The following EVC2 variants were observed in gnomAD, a reference collection of about 807,000 sequenced individuals.
EVC2 encodes the protein limbin.
EVC2 carries 148 observed loss-of-function variants against 149.3 expected under a neutral mutation model. That is an observed-to-expected ratio of 0.99 (90% CI 0.87 to 1.14). The LOEUF (loss-of-function observed/expected upper bound fraction) is 1.14, where lower values mean the gene tolerates loss of function less well. EVC2 is among the 50% of genes most tolerant of loss of function. EVC2 has a pLI of 0.00. For synonymous variants in EVC2, 776 were observed against 649.9 expected, an observed-to-expected ratio of 1.19 and a Z score of -2.95; for missense variants, 1,854 against 1,627.3, an observed-to-expected ratio of 1.14 and a Z score of -2.40.
chr4:5,696,277 G>C lies in EVC2; in HGVS notation c.283+1316C>G, dbSNP rs1303922881. 6.6e-6 allele frequency among the ~76,000 whole-genome samples: 1 copy of C among 152,148 alleles called. No homozygotes were observed. Among genetic ancestry groups the C allele is most frequent in the Non-Finnish European group, 1.5e-5 (1 of 68,026 alleles). ...CGTTTATGCCTCTCTGGCTCTCCTG[G>C]TCCTCAGCTTTAATGAAGACTCCAA... On this transcript the variant is annotated intron_variant, in intron 2 of 21. Transcript: ENST00000344408. This position sits in a 1 kb window ranked among gnomAD's most constrained non-coding sequence, Gnocchi z 4.1.
chr4:5,600,718 A>C (rs1478499099), intron 16 of EVC2, among the ~76,000 whole-genome samples: 1 of 152,230 alleles, frequency 6.6e-6, no homozygotes, highest in Non-Finnish European at 1.5e-5. Context: ...CAGAAAATGT[A>C]GTCATCAGAC....
intron 21 of EVC2, among the ~76,000 whole-genome samples, chr4:5,545,350 G>A (rs536232045): frequency 1.3e-4 from 20 of 152,294 alleles, no homozygotes; most frequent in East Asian, 9.6e-4. Context: ...ACAGGCTTCC[G>A]AGTCAGACAG....
intron 21 of EVC2, among the ~76,000 whole-genome samples, chr4:5,551,969 T>C (rs1425584960): frequency 6.6e-6 from 1 of 152,236 alleles, no homozygotes; most frequent in Non-Finnish European, 1.5e-5. Context: ...CATGTGGAAC[T>C]GTAAGTCCAT....
At chr4:5,652,735 C>G (rs1577210354) in intron 9 of EVC2, among the ~76,000 whole-genome samples, 1 of 152,184 alleles carries the variant, frequency 6.6e-6, no homozygotes, top group South Asian at 2.1e-4. Context: ...TTGGGGTACT[C>G]TGCTGTCCTG....
At chr4:5,595,100 C>G (rs577367989) in intron 16 of EVC2, among the ~76,000 whole-genome samples, 14 of 152,134 alleles carry the variant, frequency 9.2e-5, no homozygotes, top group African/African-American at 2.7e-4. Flanking sequence ...GATTGGTGTA[C>G]GTGAACATGA....
chr4:5,615,650 A>G (rs1238257287), intron 15 of EVC2, 106 bp from the exon 16 acceptor site: 8 of 1,513,584 alleles, frequency 5.3e-6, no homozygotes, highest in Non-Finnish European at 7.3e-6. Context: ...CAGCTCCCAG[A>G]ACTGCAAAAC....
At chr4:5,608,827 C>T (rs1714602708) in intron 16 of EVC2, among the ~76,000 whole-genome samples, 1 of 152,156 alleles carries the variant, frequency 6.6e-6, no homozygotes. Flanking sequence ...GCCACGGTGC[C>T]AGCCTGGAAG....
chr4:5,642,474 T>C (rs1309324500), intron 9 of EVC2, among the ~76,000 whole-genome samples: 2 of 152,230 alleles, frequency 1.3e-5, no homozygotes, highest in Non-Finnish European at 2.9e-5. Context: ...TATCATGTGA[T>C]AGACCACCAT....
chr4:5,703,940 C>A (rs1721982862), intron 1 of EVC2, among the ~76,000 whole-genome samples: 2 of 151,968 alleles, frequency 1.3e-5, no homozygotes, highest in African/African-American at 4.8e-5. Flanking sequence ...GGGGGAGGAG[C>A]ATTAGTTCAG....
In EVC2 at chr4:5,696,482, G is replaced by A. The variant is rs576350839; in HGVS notation, c.283+1111C>T. ...CCAGGGATAGGTTCAGGGACAGGCC[G>A]GGGACCCACGCTGAGCCCAGGGGCC... On this transcript the variant is annotated intron_variant, in intron 2 of 21. Coordinates refer to ENST00000344408, the MANE Select transcript of EVC2 (RefSeq NM_147127.5). The surrounding 1 kb of genome is among the most constrained non-coding windows in gnomAD (Gnocchi z 4.1). 5.6e-4 allele frequency among the ~76,000 whole-genome samples: 85 copies of A among 152,294 alleles called. No individual in the cohort carries two copies. The highest frequency in any genetic ancestry group is 1.9e-3 in the African/African-American group (78 of 41,564).
Position 5,665,642 on chromosome 4 carries a change from G to A in EVC2, c.878C>T (p.Pro293Leu), listed in dbSNP as rs138882677. 51 of 1,614,036 alleles carry A rather than the reference G, an allele frequency of 3.2e-5. No homozygotes were observed. Among genetic ancestry groups the A allele is most frequent in the Middle Eastern group, 3.3e-4 (2 of 6,084 alleles). The change falls in exon 8 of 22, where the codon CCG becomes CTG. Residue 293 changes from proline (P) to leucine (L), a missense_variant. Coordinates refer to ENST00000344408, the MANE Select transcript of EVC2 (RefSeq NM_147127.5). ...ITAEENVTVL[P>L]HHGLHAAGFF... ...CCCTGCTGCGTGGAGGCCGTGGTGC[G>A]GCAGAACCTGTGGAGACAAGAGGAG...
At chr4:5,583,022 C>G (rs967438672) in intron 17 of EVC2, among the ~76,000 whole-genome samples, 1 of 152,186 alleles carries the variant, frequency 6.6e-6, no homozygotes, top group African/African-American at 2.4e-5. Context: ...AATTAAACCT[C>G]TTTCCTTTAT....
chr4:5,612,948 A>AC (rs533568919), intron 16 of EVC2, among the ~76,000 whole-genome samples: 5 of 143,112 alleles, frequency 3.5e-5, no homozygotes, highest in African/African-American at 1.5e-4. Flanking sequence ...AAAAAAAAAA[A>AC]AGAAATAATT....
chr4:5,554,697 C>G (rs1469940956), intron 21 of EVC2, among the ~76,000 whole-genome samples: 1 of 152,174 alleles, frequency 6.6e-6, no homozygotes, highest in Non-Finnish European at 1.5e-5. Context: ...AAGGTCACAG[C>G]CTGGAGACAG....
chr4:5,648,744 C>T (rs1373808100), intron 9 of EVC2, among the ~76,000 whole-genome samples: 1 of 152,132 alleles, frequency 6.6e-6, no homozygotes. Context: ...CAGAGGCACT[C>T]TTTATTGTAA....
At chr4:5,619,053 G>T (rs1304733869) in intron 14 of EVC2, among the ~76,000 whole-genome samples, 2 of 152,154 alleles carry the variant, frequency 1.3e-5, no homozygotes, top group African/African-American at 4.8e-5. Context: ...TAGGACCAAT[G>T]GACAGAGGAG....
At chr4:5,549,232 T>G (rs1410853142) in intron 21 of EVC2, among the ~76,000 whole-genome samples, 2 of 152,254 alleles carry the variant, frequency 1.3e-5, no homozygotes, top group Non-Finnish European at 2.9e-5. Flanking sequence ...CATCATTGAT[T>G]AGGCACTTAA....
At position 5,623,003 on chromosome 4, in the gene EVC2, G is replaced by A. The variant is rs1715833169; in HGVS notation, c.2047-12C>T. ...CGCTGCTCCCTGTGCTGGAGTTTCA[G>A]AAAAGAAAATTAAGTGGGGGTGGGG... On this transcript the variant is annotated splice_polypyrimidine_tract_variant and intron_variant, in intron 13 of 21. Coordinates refer to ENST00000344408, the MANE Select transcript of EVC2 (RefSeq NM_147127.5). The A allele has an allele frequency of 1.2e-6, 2 of 1,613,332 alleles. No homozygotes were observed. Among genetic ancestry groups the A allele is most frequent in the South Asian group, 2.2e-5 (2 of 91,074 alleles).
rs1428483168 is a variant in EVC2, at chr4:5,670,772, AATTC to A, written c.871-5127_871-5124del. ...GCCATCATCAGCAGCATCGCCATCA[AATTC>A]ATTATCACCATCACCACCATGACCA... On this transcript the variant is annotated intron_variant, in intron 7 of 21. Coordinates refer to ENST00000344408, the MANE Select transcript of EVC2 (RefSeq NM_147127.5). The surrounding 1 kb of genome is among the most constrained non-coding windows in gnomAD (Gnocchi z 5.2). Among the ~76,000 whole-genome samples, 4 of 149,072 alleles carry A rather than the reference AATTC, an allele frequency of 2.7e-5. No individual in the cohort carries two copies. Among genetic ancestry groups the A allele is most frequent in the Non-Finnish European group, 5.9e-5 (4 of 67,336 alleles).
Sources: allele counts gnomAD v4.1 joint callset (sites outside exome capture counted in the v4.1 genomes callset), GRCh38; gene constraint gnomAD v4.1.1; non-coding constraint Gnocchi (gnomAD v3.1); transcripts MANE v1.5; gene names NCBI Gene and HGNC (gene_info 2026-07-23, HGNC 2026-07-21).